Variants in TAFA1 observed in about 807,000 individuals in gnomAD.
TAFA1 encodes TAFA chemokine like family member 1, also known as chemokine-like protein TAFA-1.
In TAFA1, 4 loss-of-function variants were observed where a neutral mutation model predicts 18.5. The observed-to-expected ratio is 0.22, with a 90% CI of 0.11 to 0.49. The LOEUF (loss-of-function observed/expected upper bound fraction) is 0.49, where lower values mean the gene tolerates loss of function less well. Ranked by LOEUF, TAFA1 falls within the 20% of genes least tolerant of loss-of-function variation. The pLI is 0.98. For missense variants in TAFA1, 147 were observed against 169.0 expected, an observed-to-expected ratio of 0.87 and a Z score of 0.72; for synonymous variants, 56 against 55.2, an observed-to-expected ratio of 1.01 and a Z score of -0.06.
intron 3 of TAFA1, among the ~76,000 whole-genome samples, chr3:68,438,026 C>CA (rs2071296045): frequency 6.6e-6 from 1 of 152,052 alleles, no homozygotes; most frequent in South Asian, 2.1e-4. Context: ...TAACAGGCCC[C>CA]AAGCAAGTCC....
At chr3:68,138,749 G>A (rs993597060) in intron 2 of TAFA1, among the ~76,000 whole-genome samples, 1 of 152,200 alleles carries the variant, frequency 6.6e-6, no homozygotes, top group African/African-American at 2.4e-5. Context: ...ACTTAGCACA[G>A]AACTGAGCAC....
chr3:68,056,786 A>T (rs772323243), intron 2 of TAFA1, among the ~76,000 whole-genome samples: 6 of 152,276 alleles, frequency 3.9e-5, no homozygotes, highest in Non-Finnish European at 7.4e-5. Context: ...CACGAATAGT[A>T]TGGTTTGATT....
chr3:68,198,357 C>T (rs533627266), intron 2 of TAFA1, among the ~76,000 whole-genome samples: 1 of 151,652 alleles, frequency 6.6e-6, no homozygotes, highest in African/African-American at 2.4e-5. Flanking sequence ...TTTGTGTGGA[C>T]ATTAGTTTCA....
In TAFA1 at chr3:68,484,184, A is replaced by G. The variant is rs537817069; in HGVS notation, c.260-54572A>G. Among the ~76,000 whole-genome samples the G allele has an allele frequency of 1.0e-3, 155 of 152,344 alleles. 1 individual carries two copies. Among genetic ancestry groups the G allele is most frequent in the Non-Finnish European group, 1.6e-3 (112 of 68,036 alleles). On this transcript the variant is annotated intron_variant, in intron 3 of 4. Transcript: ENST00000478136. ...TTATTTTACATTCTTTCTTCTTTGT[A>G]CTAAATCTTAAAATTCAGTGTATAT...
At chr3:68,259,696 G>A (rs887288813) in intron 2 of TAFA1, among the ~76,000 whole-genome samples, 1 of 151,990 alleles carries the variant, frequency 6.6e-6, no homozygotes, top group Non-Finnish European at 1.5e-5. Flanking sequence ...TCTCTTTGAA[G>A]CAATTGTGAA....
chr3:68,288,301 T>C (rs2068050557), intron 2 of TAFA1, among the ~76,000 whole-genome samples: 1 of 152,200 alleles, frequency 6.6e-6, no homozygotes, highest in Non-Finnish European at 1.5e-5. Context: ...AAAGAACATT[T>C]AGTTTTTTAA....
intron 3 of TAFA1, among the ~76,000 whole-genome samples, chr3:68,487,751 C>CA (rs35345325): frequency 0.3 from 19,766 of 66,444 alleles, 1,980 homozygotes; most frequent in African/African-American, 0.35. Context: ...AACTCTGTCT[C>CA]AAAAAAAAAA....
chr3:68,257,255 C>G (rs1033976234), intron 2 of TAFA1, among the ~76,000 whole-genome samples: 4 of 152,066 alleles, frequency 2.6e-5, no homozygotes, highest in African/African-American at 9.7e-5. Context: ...AAAGCCCAGC[C>G]ACCCGACCCC....
At chr3:68,132,128 G>T (rs895077644) in intron 2 of TAFA1, among the ~76,000 whole-genome samples, 25 of 152,110 alleles carry the variant, frequency 1.6e-4, no homozygotes, top group African/African-American at 5.8e-4. Flanking sequence ...AGAACAAGTG[G>T]TGTTTGGTTT....
chr3:68,359,406 T>G (rs1303319361), intron 2 of TAFA1, among the ~76,000 whole-genome samples: 1 of 151,970 alleles, frequency 6.6e-6, no homozygotes, highest in East Asian at 1.9e-4. Flanking sequence ...TTAGTTGATT[T>G]TAAAATAAGG....
chr3:68,063,349 A>G (rs2064630798), intron 2 of TAFA1, among the ~76,000 whole-genome samples: 1 of 152,204 alleles, frequency 6.6e-6, no homozygotes, highest in African/African-American at 2.4e-5. Flanking sequence ...CGTTTTAAAT[A>G]CTACTGCTAC....
intron 2 of TAFA1, among the ~76,000 whole-genome samples, chr3:68,262,328 TA>T (rs2067446433): frequency 1.3e-5 from 1 of 75,458 alleles, no homozygotes; most frequent in African/African-American, 5.1e-5. Flanking sequence ...TATATATATA[TA>T]TATATATATA....
chr3:68,134,526 C>G (rs886995218), intron 2 of TAFA1, among the ~76,000 whole-genome samples: 1 of 152,120 alleles, frequency 6.6e-6, no homozygotes, highest in Non-Finnish European at 1.5e-5. Context: ...ACAGCTGGTT[C>G]TTACTGTCAG....
chr3:68,410,728 A>C (rs927005453), intron 2 of TAFA1, among the ~76,000 whole-genome samples: 9 of 147,096 alleles, frequency 6.1e-5, no homozygotes, highest in Non-Finnish European at 1.3e-4. Flanking sequence ...AAAAAAAAAA[A>C]AAAAAGGAAG....
At chr3:68,358,625 G>C (rs923264196) in intron 2 of TAFA1, among the ~76,000 whole-genome samples, 1 of 151,708 alleles carries the variant, frequency 6.6e-6, no homozygotes, top group African/African-American at 2.4e-5. Flanking sequence ...CCCCCATACC[G>C]CAAATCTATG....
chr3:68,218,180 C>T (rs994757191), intron 2 of TAFA1, among the ~76,000 whole-genome samples: 7 of 151,964 alleles, frequency 4.6e-5, no homozygotes, highest in Non-Finnish European at 1.0e-4. Flanking sequence ...TACAGAAATT[C>T]GATGAAAGGT....
At chr3:68,243,547 A>G (rs2067029885) in intron 2 of TAFA1, among the ~76,000 whole-genome samples, 1 of 152,164 alleles carries the variant, frequency 6.6e-6, no homozygotes. Flanking sequence ...ATGAAATCAT[A>G]TCGTATATAC....
At chr3:68,077,718 A>T (rs2064844888) in intron 2 of TAFA1, among the ~76,000 whole-genome samples, 4 of 151,852 alleles carry the variant, frequency 2.6e-5, no homozygotes, top group Admixed American at 2.6e-4. Flanking sequence ...GTAGCCTAGT[A>T]GTATAGTTTG....
Position 68,123,012 on chromosome 3 carries a change from T to TC in TAFA1, c.118+116270dup, listed in dbSNP as rs1363078419. ...TAAAGAAAAAAAAAACCCTTTTTTT[T>TC]CCAAAAATCTGTCTGTAGATTTCTT... On this transcript the variant is annotated intron_variant, in intron 2 of 4. Coordinates refer to ENST00000478136, the MANE Select transcript of TAFA1 (RefSeq NM_213609.4). Among the ~76,000 whole-genome samples, 7 of 151,786 alleles carry TC rather than the reference T, an allele frequency of 4.6e-5. 1 individual carries two copies. In the East Asian group the frequency reaches 5.8e-4, roughly 13 times the overall value.
Sources: gnomAD v4.1 joint callset for allele counts (sites outside exome capture counted in the v4.1 genomes callset) on GRCh38, gnomAD v4.1.1 for gene constraint, MANE v1.5 for transcripts, NCBI Gene and HGNC (gene_info 2026-07-23, HGNC 2026-07-21) for gene names.